CREBRF: variants seen among roughly 807,000 people sequenced by gnomAD.
CREBRF encodes the protein CREB3 regulatory factor.
CREBRF carries 5 observed loss-of-function variants against 66.1 expected under a neutral mutation model. That is an observed-to-expected ratio of 0.08 (90% confidence interval 0.04 to 0.16). The LOEUF (loss-of-function observed/expected upper bound fraction) is 0.16. Ranked by LOEUF, CREBRF falls within the 10% of genes least tolerant of loss-of-function variation. CREBRF has a pLI of 1.00. For missense variants in CREBRF, 531 were observed against 744.9 expected, an observed-to-expected ratio of 0.71 and a Z score of 3.34; for synonymous variants, 229 against 264.4, an observed-to-expected ratio of 0.87 and a Z score of 1.30.
chr5:173,088,044 C>T (rs1230912059), intron 3 of CREBRF, among the ~76,000 whole-genome samples: 1 of 151,490 alleles, frequency 6.6e-6, no homozygotes, highest in Non-Finnish European at 1.5e-5. Flanking sequence ...AGGCTGGTCT[C>T]GAACTCCTGA....
At position 173,138,136 on chromosome 5, in the gene CREBRF, CAAAT is replaced by C. The variant is rs1455546237; in HGVS notation, c.*4394_*4397del. On this transcript the variant is annotated 3_prime_UTR_variant, in exon 9 of 9. Coordinates refer to ENST00000296953, the MANE Select transcript of CREBRF (RefSeq NM_153607.3). ...GTCTTGTTCTTCCCTTGGATCATGACAAATAAGTCTCACACAGTGCCGTAATACT... is the reference window on the plus strand; with the variant it reads ...GTCTTGTTCTTCCCTTGGATCATGACAAGTCTCACACAGTGCCGTAATACT... The C allele has an allele frequency of 6.6e-6, 1 of 152,126 alleles. No individual in the cohort carries two copies. The highest frequency in any genetic ancestry group is 1.5e-5 in the Non-Finnish European group (1 of 68,008). 9.4% of individuals were successfully genotyped at this position (152,126 alleles called of 1,614,324 possible).
At chr5:173,116,539 A>G (rs1466137705) in intron 7 of CREBRF, among the ~76,000 whole-genome samples, 1 of 152,190 alleles carries the variant, frequency 6.6e-6, no homozygotes, top group African/African-American at 2.4e-5. Context: ...AAATTCCTCC[A>G]TGTTGTTACC....
intron 1 of CREBRF, among the ~76,000 whole-genome samples, chr5:173,075,925 G>T (rs1278226442): frequency 6.6e-6 from 1 of 151,750 alleles, no homozygotes; most frequent in Non-Finnish European, 1.5e-5. Flanking sequence ...TAATTTTAAA[G>T]AAAAGAGATT....
intron 1 of CREBRF, among the ~76,000 whole-genome samples, chr5:173,075,722 G>A (rs562883007): frequency 1.2e-4 from 18 of 151,786 alleles, no homozygotes; most frequent in Admixed American, 4.6e-4. Flanking sequence ...TCCCTGTTTC[G>A]TTGCCTCCTT....
Position 173,135,324 on chromosome 5 carries a change from C to G in CREBRF, c.*1579C>G, listed in dbSNP as rs1014154049. The G allele has an allele frequency of 6.6e-6, 1 of 152,370 alleles. No homozygotes were observed. Among genetic ancestry groups the G allele is most frequent in the African/African-American group, 2.4e-5 (1 of 41,410 alleles). The allele number at this position is 152,370 out of a possible 1,614,324, so 9.4% of individuals were successfully genotyped here. ...TTAACACATTTAGTTTTTAGGTGCT[C>G]TTTTTTGCTCATATAAAACAGCTTC... On this transcript the variant is annotated 3_prime_UTR_variant, in exon 9 of 9. Coordinates refer to ENST00000296953, the MANE Select transcript of CREBRF (RefSeq NM_153607.3).
At chr5:173,066,428 A>G (rs1040231787) in intron 1 of CREBRF, among the ~76,000 whole-genome samples, 2 of 151,978 alleles carry the variant, frequency 1.3e-5, no homozygotes, top group Admixed American at 6.6e-5. Flanking sequence ...AGCTTTTCCA[A>G]ACTTTCCCAG....
rs543819285 is a variant in CREBRF, at chr5:173,118,891, A to T, written c.1682-4189A>T. ...CTTGTCTCTATTTAAAATTATTTTT[A>T]AAAAAGAAAAAAAGATTAAAAAAAA... On this transcript the variant is annotated intron_variant, in intron 7 of 8. Transcript: ENST00000296953. Among the ~76,000 whole-genome samples, 4 of 151,876 alleles carry T rather than the reference A, an allele frequency of 2.6e-5. No homozygotes were observed. The South Asian group carries it at 6.3e-4, about 24-fold the overall frequency.
chr5:173,101,259 G>A (rs892650793), intron 4 of CREBRF, among the ~76,000 whole-genome samples: 3 of 151,870 alleles, frequency 2.0e-5, no homozygotes, highest in African/African-American at 7.3e-5. Flanking sequence ...GTTTTACCAT[G>A]TTACCCAGGC....
chr5:173,074,742 C>T (rs1478565035), intron 1 of CREBRF, among the ~76,000 whole-genome samples: 1 of 152,138 alleles, frequency 6.6e-6, no homozygotes, highest in African/African-American at 2.4e-5. Flanking sequence ...CCTGTCTCAG[C>T]TGCCCAAGTA....
rs375098647 is a variant in CREBRF at position 173,104,740 on chromosome 5, A to AGAGAGT, written c.1223-3883_1223-3882insAGAGTG. 3.9e-4 allele frequency among the ~76,000 whole-genome samples: 57 copies of AGAGAGT among 146,244 alleles called. 1 individual carries two copies. The highest frequency in any genetic ancestry group is 9.9e-4 in the African/African-American group (39 of 39,462). On this transcript the variant is annotated intron_variant, in intron 4 of 8. Transcript: ENST00000296953. ...GAGAGAGAGAGAGAGAGAGAGAGAG[A>AGAGAGT]GTGTGTGTGTGTGTGTATTTTTGTG... is the stretch of plus-strand genomic sequence containing the variant.
In CREBRF at chr5:173,123,214, G is replaced by A. The variant is rs2113795769; in HGVS notation, c.1804+12G>A. ...TAAAGATACTCTCGGTAAGAAGAAT[G>A]CGAGATAAATTCATAACAATTAATA... On this transcript the variant is annotated intron_variant, in intron 8 of 8. Coordinates refer to ENST00000296953, the MANE Select transcript of CREBRF (RefSeq NM_153607.3). 1 of 1,591,018 alleles carries A rather than the reference G, an allele frequency of 6.3e-7. No individual in the cohort carries two copies. Among genetic ancestry groups the A allele is most frequent in the Non-Finnish European group, 8.5e-7 (1 of 1,173,468 alleles).
chr5:173,085,984 T>TA (rs1581675588), intron 2 of CREBRF: 1 of 1,509,220 alleles, frequency 6.6e-7, no homozygotes, highest in African/African-American at 1.4e-5. Context: ...AGACTAGAAA[T>TA]ACATCTGTTT....
At chr5:173,060,335 AT>A (rs1757232377) in intron 1 of CREBRF, 1 of 150,654 alleles carries the variant, frequency 6.6e-6, no homozygotes, top group African/African-American at 2.4e-5. Flanking sequence ...GGTTCAAGCG[AT>A]TATCCTGCCC....
chr5:173,120,302 G>A (rs1321886487), intron 7 of CREBRF, among the ~76,000 whole-genome samples: 2 of 151,058 alleles, frequency 1.3e-5, no homozygotes, highest in Non-Finnish European at 3.0e-5. Flanking sequence ...GAAGATACTT[G>A]GTAATTTCAA....
intron 1 of CREBRF, among the ~76,000 whole-genome samples, chr5:173,058,037 C>CT (rs562447555): frequency 0.18 from 25,552 of 142,960 alleles, 3,154 homozygotes; most frequent in African/African-American, 0.36. Context: ...CCTGGAATTT[C>CT]TTTTTTTTTT....
chr5:173,116,600 G>A (rs1006879035), intron 7 of CREBRF, among the ~76,000 whole-genome samples: 7 of 152,124 alleles, frequency 4.6e-5, no homozygotes, highest in African/African-American at 1.4e-4. Flanking sequence ...CCATTGTATG[G>A]ATGTACTACA....
intron 4 of CREBRF, among the ~76,000 whole-genome samples, chr5:173,107,333 C>T (rs1758771950): frequency 6.6e-6 from 1 of 152,114 alleles, no homozygotes. Flanking sequence ...CCGTCTTGTT[C>T]ATGTACCTAG....
At chr5:173,091,559 CA>C in intron 4 of CREBRF, 158 bp downstream of exon 4, 1 of 1,434,008 alleles carries the variant, frequency 7.0e-7, no homozygotes, top group Non-Finnish European at 9.2e-7. Flanking sequence ...TTTTTCTATT[CA>C]AATAGCTCTA....
At chr5:173,117,705 C>A (rs1177225264) in intron 7 of CREBRF, among the ~76,000 whole-genome samples, 1 of 142,874 alleles carries the variant, frequency 7.0e-6, no homozygotes, top group African/African-American at 2.6e-5. Flanking sequence ...TCTTCCCTCC[C>A]TCTCCTTCCA....
Sources: gnomAD v4.1 joint callset for allele counts (sites outside exome capture counted in the v4.1 genomes callset) on GRCh38, gnomAD v4.1.1 for gene constraint, MANE v1.5 for transcripts, NCBI Gene and HGNC (gene_info 2026-07-23, HGNC 2026-07-21) for gene names.